CADM2: variants seen among roughly 807,000 people sequenced by gnomAD.
CADM2 encodes the protein immunoglobulin superfamily member 4D.
A neutral mutation model predicts 49.8 loss-of-function variants in CADM2; 12 were observed. The observed-to-expected ratio is 0.24, with a 90% CI of 0.15 to 0.39. The LOEUF is 0.39. Among genes scored for constraint, CADM2 ranks in the 10% least tolerant of loss-of-function variants. The pLI is 1.00. For missense variants in CADM2, 378 were observed against 492.3 expected, an observed-to-expected ratio of 0.77 and a Z score of 2.20; for synonymous variants, 214 against 175.4, an observed-to-expected ratio of 1.22 and a Z score of -1.74.
chr3:85,129,604 C>T (rs1204307094), intron 1 of CADM2, among the ~76,000 whole-genome samples: 1 of 152,114 alleles, frequency 6.6e-6, no homozygotes, highest in African/African-American at 2.4e-5. Context: ...TGTTTCTTAG[C>T]CAGCACACAC....
chr3:85,143,281 G>A (rs1244797593), intron 1 of CADM2, among the ~76,000 whole-genome samples: 1 of 152,134 alleles, frequency 6.6e-6, no homozygotes, highest in African/African-American at 2.4e-5. Flanking sequence ...CCAGGAGTTT[G>A]AGACTAGCCT....
At chr3:85,755,302 C>T (rs1471901388) in intron 2 of CADM2, among the ~76,000 whole-genome samples, 1 of 152,104 alleles carries the variant, frequency 6.6e-6, no homozygotes, top group Non-Finnish European at 1.5e-5. Flanking sequence ...AAAGCACTAC[C>T]ATTATATTTT....
intron 1 of CADM2, among the ~76,000 whole-genome samples, chr3:84,999,929 A>G (rs533774476): frequency 6.6e-6 from 1 of 152,064 alleles, no homozygotes; most frequent in Non-Finnish European, 1.5e-5. Context: ...GTTGGATGAG[A>G]TCTTAGGGGC....
chr3:85,239,949 TAA>T (rs1161843003), intron 1 of CADM2, among the ~76,000 whole-genome samples: 1 of 151,448 alleles, frequency 6.6e-6, no homozygotes, highest in Non-Finnish European at 1.5e-5. Context: ...ATGGCATTAA[TAA>T]GTTATAATAT....
chr3:85,463,973 A>C (rs551062030), intron 1 of CADM2, among the ~76,000 whole-genome samples: 1 of 152,250 alleles, frequency 6.6e-6, no homozygotes, highest in South Asian at 2.1e-4. Flanking sequence ...ATCTTACTCT[A>C]AATTCGAAAG....
intron 3 of CADM2, among the ~76,000 whole-genome samples, chr3:85,860,459 G>A (rs2075484635): frequency 1.3e-5 from 2 of 152,168 alleles, no homozygotes; most frequent in African/African-American, 4.8e-5. Flanking sequence ...TAAATTTAGT[G>A]TCTTTGTCCT....
At chr3:85,475,523 C>T (rs2038941327) in intron 1 of CADM2, among the ~76,000 whole-genome samples, 1 of 151,784 alleles carries the variant, frequency 6.6e-6, no homozygotes, top group Non-Finnish European at 1.5e-5. Flanking sequence ...TTACATTTTT[C>T]ATGACCCGTT....
intron 2 of CADM2, among the ~76,000 whole-genome samples, chr3:85,783,991 G>T (rs1441464852): frequency 6.6e-6 from 1 of 152,112 alleles, no homozygotes; most frequent in Non-Finnish European, 1.5e-5. Context: ...CCTCAAATGT[G>T]AGCTTAATAA....
intron 1 of CADM2, among the ~76,000 whole-genome samples, chr3:85,431,740 T>C (rs1200669357): frequency 1.3e-5 from 2 of 150,638 alleles, no homozygotes; most frequent in African/African-American, 4.9e-5. Flanking sequence ...GAAGGGGTTG[T>C]AGGTGGAAAG....
rs1331108347 is a variant in CADM2, at chr3:86,066,660, T to C, written c.1097-5T>C. ...GCTAACATATTTTTCTTCCAATATA[T>C]GCAGGAACGTATTTAACAAATGAAG... On this transcript the variant is annotated splice_polypyrimidine_tract_variant and splice_region_variant and intron_variant, in intron 9 of 9. Coordinates refer to ENST00000383699, the MANE Select transcript of CADM2 (RefSeq NM_001167675.2). 2.5e-6 allele frequency: 4 copies of C among 1,591,464 alleles called. No homozygotes were observed. The highest frequency in any genetic ancestry group is 1.7e-6 in the Non-Finnish European group (2 of 1,159,458).
chr3:85,008,748 A>G (rs1019060183), intron 1 of CADM2, among the ~76,000 whole-genome samples: 2 of 152,166 alleles, frequency 1.3e-5, no homozygotes, highest in Admixed American at 6.6e-5. Flanking sequence ...AGTCATATAT[A>G]TATATAATTT....
At chr3:85,416,656 A>G (rs1380969514) in intron 1 of CADM2, among the ~76,000 whole-genome samples, 1 of 152,180 alleles carries the variant, frequency 6.6e-6, no homozygotes, top group Non-Finnish European at 1.5e-5. Flanking sequence ...TTGTGTGGGG[A>G]CTAGGGACAA....
intron 8 of CADM2, among the ~76,000 whole-genome samples, chr3:85,967,643 G>A (rs1000676630): frequency 6.6e-6 from 1 of 151,506 alleles, no homozygotes; most frequent in Non-Finnish European, 1.5e-5. Context: ...AATGAAAAAT[G>A]TCCTTTTGTG....
At chr3:85,015,218 G>A (rs532680871) in intron 1 of CADM2, among the ~76,000 whole-genome samples, 2 of 151,922 alleles carry the variant, frequency 1.3e-5, no homozygotes, top group East Asian at 3.9e-4. Flanking sequence ...CCTTACTTAA[G>A]CCAGAAAAAA....
At chr3:86,021,656 T>C (rs1733196680) in intron 8 of CADM2, among the ~76,000 whole-genome samples, 1 of 152,184 alleles carries the variant, frequency 6.6e-6, no homozygotes, top group Non-Finnish European at 1.5e-5. Flanking sequence ...TTTATTGTCC[T>C]CCAGGCTCAT....
chr3:85,483,607 C>T (rs1416638496), intron 1 of CADM2, among the ~76,000 whole-genome samples: 1 of 149,608 alleles, frequency 6.7e-6, no homozygotes, highest in Non-Finnish European at 1.5e-5. Flanking sequence ...CTGGCAAATA[C>T]TATATAATGA....
At chr3:85,581,546 A>AT (rs925020035) in intron 1 of CADM2, among the ~76,000 whole-genome samples, 20 of 152,120 alleles carry the variant, frequency 1.3e-4, no homozygotes, top group African/African-American at 3.1e-4. Flanking sequence ...TTAAAAGTAT[A>AT]TTTTTTTCTT....
At chr3:85,822,232 C>A (rs2073623732) in intron 3 of CADM2, among the ~76,000 whole-genome samples, 2 of 151,958 alleles carry the variant, frequency 1.3e-5, no homozygotes, top group Non-Finnish European at 2.9e-5. Context: ...AATACATTGG[C>A]AGTAATGGAA....
At position 85,271,810 on chromosome 3, in the gene CADM2, A is replaced by G. The variant is rs190113430; in HGVS notation, c.61+312142A>G. On this transcript the variant is annotated intron_variant, in intron 1 of 9. Coordinates refer to ENST00000383699, the MANE Select transcript of CADM2 (RefSeq NM_001167675.2). ...AAAAATAAAATTAAACTGTCAAAAA[A>G]GAACCATTGTCTTTTGATTATCCCA... Among the ~76,000 whole-genome samples, 667 of 151,452 alleles carry G rather than the reference A, an allele frequency of 4.4e-3. 3 individuals are homozygous for G. Among genetic ancestry groups the G allele is most frequent in the African/African-American group, 0.014 (593 of 41,458 alleles).
Sources: allele counts gnomAD v4.1 joint callset (sites outside exome capture counted in the v4.1 genomes callset), GRCh38; gene constraint gnomAD v4.1.1; transcripts MANE v1.5; gene names NCBI Gene and HGNC (gene_info 2026-07-23, HGNC 2026-07-21).